NR3C1: variants seen among roughly 807,000 people sequenced by gnomAD.
The protein encoded by NR3C1 is nuclear receptor subfamily 3 group C member 1.
Under a neutral mutation model 74.0 loss-of-function variants are expected in NR3C1, and 14 were observed. The ratio of observed to expected loss-of-function variants is 0.19; its 90% CI spans 0.12 to 0.30. The LOEUF (loss-of-function observed/expected upper bound fraction) is 0.30. Among genes scored for constraint, NR3C1 ranks in the 10% least tolerant of loss-of-function variants. NR3C1 has a pLI of 1.00. For synonymous variants in NR3C1, 308 were observed against 332.5 expected (o/e 0.93, Z 0.80); for missense variants, 695 against 909.8 (o/e 0.76, Z 3.04).
chr5:143,402,562 G>C (rs1462915876), intron 1 of NR3C1: 1 of 980,542 alleles, frequency 1.0e-6, no homozygotes, highest in Non-Finnish European at 1.2e-6. Flanking sequence ...GGGTGGAGAA[G>C]AGAAAAAAGT....
intron 2 of NR3C1, among the ~76,000 whole-genome samples, chr5:143,350,376 G>A (rs555985592): frequency 6.6e-6 from 1 of 152,170 alleles, no homozygotes; most frequent in South Asian, 2.1e-4. Flanking sequence ...CAATCTATGA[G>A]GCCTAATGAC....
chr5:143,424,484 C>T (rs925018506), intron 1 of NR3C1, among the ~76,000 whole-genome samples: 1 of 151,896 alleles, frequency 6.6e-6, no homozygotes, highest in Admixed American at 6.6e-5. Context: ...GTACCCTTTA[C>T]ATATCTGTAA....
chr5:143,296,193 A>T (rs1027002167), intron 6 of NR3C1, among the ~76,000 whole-genome samples: 6 of 152,164 alleles, frequency 3.9e-5, no homozygotes, highest in Admixed American at 2.0e-4. Flanking sequence ...ATTTTCAAAT[A>T]GGTCTCTAAA....
chr5:143,372,117 C>A (rs141849999), intron 2 of NR3C1, among the ~76,000 whole-genome samples: 1 of 152,160 alleles, frequency 6.6e-6, no homozygotes, highest in African/African-American at 2.4e-5. Context: ...AAAACCAGCA[C>A]GCATTTCTTT....
intron 2 of NR3C1, among the ~76,000 whole-genome samples, chr5:143,346,232 CT>C (rs375065348): frequency 2.0e-5 from 3 of 152,294 alleles, no homozygotes; most frequent in African/African-American, 7.2e-5. Flanking sequence ...AACCCAGGGG[CT>C]GTGTCAGGGT....
intron 7 of NR3C1, among the ~76,000 whole-genome samples, chr5:143,293,548 A>T (rs1816427305): frequency 6.6e-6 from 1 of 152,190 alleles, no homozygotes; most frequent in Admixed American, 6.5e-5. Context: ...TTATAAACTT[A>T]AAAAAACCCC....
intron 2 of NR3C1, among the ~76,000 whole-genome samples, chr5:143,367,261 G>T (rs1833405827): frequency 6.6e-6 from 1 of 152,010 alleles, no homozygotes; most frequent in Non-Finnish European, 1.5e-5. Context: ...GAACAGAAAG[G>T]AACATTCTCA....
chr5:143,364,083 A>C (rs1476062698), intron 2 of NR3C1, among the ~76,000 whole-genome samples: 1 of 152,224 alleles, frequency 6.6e-6, no homozygotes, highest in Admixed American at 6.5e-5. Flanking sequence ...GTACACACCT[A>C]AATGCATCAC....
At chr5:143,306,692 G>A (rs1002698017) in intron 4 of NR3C1, among the ~76,000 whole-genome samples, 2 of 151,914 alleles carry the variant, frequency 1.3e-5, no homozygotes, top group Non-Finnish European at 2.9e-5. Flanking sequence ...CCTATTCAAA[G>A]GTGTTTTTAA....
intron 2 of NR3C1, chr5:143,333,382 G>T: frequency 1.6e-6 from 1 of 622,508 alleles, no homozygotes; most frequent in Non-Finnish European, 2.9e-6. Context: ...GGTACAAATA[G>T]ATGGAGACCT....
At chr5:143,359,688 C>A (rs1831869323) in intron 2 of NR3C1, among the ~76,000 whole-genome samples, 1 of 152,152 alleles carries the variant, frequency 6.6e-6, no homozygotes, top group African/African-American at 2.4e-5. Context: ...AAGGCTGAGA[C>A]AGACAGATCA....
In NR3C1 at chr5:143,280,004, A is replaced by G. The variant is rs1010876630; in HGVS notation, c.*1885T>C. On this transcript the variant is annotated 3_prime_UTR_variant, in exon 9 of 9. Transcript: ENST00000394464. ...GGGTGGTCAGAATGGGAGGCAGAGG[A>G]TAACTTCCTCTGTAATCTCACTGGG... The G allele has an allele frequency of 6.6e-6, 1 of 152,600 alleles. No homozygotes were observed. The highest frequency in any genetic ancestry group is 2.4e-5 in the African/African-American group (1 of 41,452). The allele number at this position is 152,600 out of a possible 1,614,324, so 9.5% of individuals were successfully genotyped here. A position where few individuals can be genotyped will look rare whatever the true frequency, so the allele number is the denominator to read the frequency against.
upstream of NR3C1, chr5:143,405,417 C>T (rs1490451316): frequency 1.1e-6 from 1 of 936,504 alleles, no homozygotes; most frequent in Non-Finnish European, 1.3e-6. Context: ...GGAAGCCGCC[C>T]GCCGCCATCT....
chr5:143,405,403 T>G, upstream of NR3C1: 1 of 968,086 alleles, frequency 1.0e-6, no homozygotes, highest in Non-Finnish European at 1.2e-6. Flanking sequence ...GGGAAGCGCG[T>G]CCCGGAAGCC....
chr5:143,282,792 T>C, intron 7 of NR3C1, 67 bp from the exon 8 acceptor site: 1 of 1,452,564 alleles, frequency 6.9e-7, no homozygotes, highest in Non-Finnish European at 9.4e-7. Context: ...TTTTTTTTTT[T>C]TGAGATAGAT....
At chr5:143,426,626 C>T (rs934245503) in intron 1 of NR3C1, among the ~76,000 whole-genome samples, 8 of 152,220 alleles carry the variant, frequency 5.3e-5, no homozygotes, top group African/African-American at 1.9e-4. Flanking sequence ...TGTCAAGACT[C>T]CTTTGACTAA....
chr5:143,288,415 G>A (rs867888875), intron 7 of NR3C1, among the ~76,000 whole-genome samples: 13 of 152,066 alleles, frequency 8.5e-5, no homozygotes, highest in South Asian at 2.1e-4. Context: ...CATAGCGCCC[G>A]GCCAGAAATT....
chr5:143,287,801 T>G (rs1308450348), intron 7 of NR3C1, among the ~76,000 whole-genome samples: 1 of 152,176 alleles, frequency 6.6e-6, no homozygotes, highest in East Asian at 1.9e-4. Context: ...AAAGATTATA[T>G]ACCATGATCT....
chr5:143,378,300 G>A (rs1435613515), intron 2 of NR3C1, among the ~76,000 whole-genome samples: 4 of 152,002 alleles, frequency 2.6e-5, no homozygotes, highest in Non-Finnish European at 5.9e-5. Flanking sequence ...AATCAAAACA[G>A]CGAAGACTGC....
Sources: gnomAD v4.1 joint callset for allele counts (sites outside exome capture counted in the v4.1 genomes callset) on GRCh38, gnomAD v4.1.1 for gene constraint, MANE v1.5 for transcripts, NCBI Gene and HGNC (gene_info 2026-07-23, HGNC 2026-07-21) for gene names.